The following CDH2 variants were observed in gnomAD, a reference collection of about 807,000 sequenced individuals.
CDH2 encodes cadherin-2.
CDH2 carries 17 observed loss-of-function variants against 92.0 expected under a neutral mutation model. The ratio of observed to expected loss-of-function variants is 0.18; its 90% CI spans 0.13 to 0.28. The LOEUF is 0.28. Among genes scored for constraint, CDH2 ranks in the 10% least tolerant of loss-of-function variants. The pLI, the probability that CDH2 is intolerant of heterozygous loss-of-function variation, is 1.00. For missense variants in CDH2, 862 were observed against 1,133.1 expected (o/e 0.76, Z 3.44); for synonymous variants, 419 against 415.9 (o/e 1.01, Z -0.09).
chr18:27,999,866 G>A (rs573484420), intron 7 of CDH2, among the ~76,000 whole-genome samples: 1 of 151,840 alleles, frequency 6.6e-6, no homozygotes, highest in South Asian at 2.1e-4. Context: ...TGAATCATGG[G>A]GGCAGTTTCC....
downstream of CDH2, among the ~76,000 whole-genome samples, chr18:27,949,967 T>A (rs1909372966): frequency 6.6e-6 from 1 of 151,996 alleles, no homozygotes; most frequent in South Asian, 2.1e-4. Context: ...GTGTGAGCAT[T>A]AAGTGTTATG....
intron 2 of CDH2, among the ~76,000 whole-genome samples, chr18:28,038,370 C>A (rs1260944378): frequency 1.3e-5 from 2 of 151,690 alleles, no homozygotes; most frequent in African/African-American, 4.8e-5. Context: ...CTACAGTGAG[C>A]TGTGATTGCA....
At chr18:27,989,170 T>C (rs898372474) in intron 10 of CDH2, among the ~76,000 whole-genome samples, 1 of 152,214 alleles carries the variant, frequency 6.6e-6, no homozygotes, top group Non-Finnish European at 1.5e-5. Context: ...CCTACTTGAA[T>C]CTTTCACACT....
chr18:28,166,380 TTCA>T (rs1386356909), intron 1 of CDH2, among the ~76,000 whole-genome samples: 1 of 151,776 alleles, frequency 6.6e-6, no homozygotes, highest in Non-Finnish European at 1.5e-5. Context: ...AAAACACAGC[TTCA>T]TCAAGAAGGC....
At position 28,017,395 on chromosome 18, in the gene CDH2, C is replaced by T. The variant is rs571704101; in HGVS notation, c.173-3486G>A. Among the ~76,000 whole-genome samples the T allele has an allele frequency of 3.5e-4, 54 of 152,154 alleles. No homozygotes were observed. The Middle Eastern group carries it at 0.014, about 39-fold the overall frequency. On this transcript the variant is annotated intron_variant, in intron 2 of 15. Coordinates refer to ENST00000269141, the MANE Select transcript of CDH2 (RefSeq NM_001792.5). The stretch of plus-strand genomic sequence containing the variant: ...TCTCCTGTATATTTCATTGTTTAAG[C>T]ATGTAAAGGTGTTCATAGTAGTCTT...
intron 2 of CDH2, among the ~76,000 whole-genome samples, chr18:28,031,435 C>A (rs577233823): frequency 5.9e-5 from 9 of 152,212 alleles, no homozygotes; most frequent in Admixed American, 5.9e-4. Context: ...CCACTCTTCA[C>A]AACATCTACG....
At chr18:28,080,437 G>A (rs1026477597) in intron 2 of CDH2, among the ~76,000 whole-genome samples, 4 of 151,956 alleles carry the variant, frequency 2.6e-5, no homozygotes, top group African/African-American at 7.3e-5. Flanking sequence ...AAGCTGCCTC[G>A]CCTTCTAAAT....
chr18:28,073,899 G>A (rs17494339), intron 2 of CDH2, among the ~76,000 whole-genome samples: 1,966 of 152,148 alleles, frequency 0.013, 50 homozygotes, highest in African/African-American at 0.045. Context: ...TGCAAGATTC[G>A]ATGAGATAAT....
chr18:27,933,479 C>T (rs1018933560), intron 6 of CDH2, among the ~76,000 whole-genome samples: 3 of 152,102 alleles, frequency 2.0e-5, no homozygotes, highest in African/African-American at 7.2e-5. Flanking sequence ...TCCTGAACCC[C>T]TATAGCATGT....
chr18:28,145,295 A>G (rs1394603005), intron 2 of CDH2, among the ~76,000 whole-genome samples: 1 of 152,090 alleles, frequency 6.6e-6, no homozygotes, highest in Non-Finnish European at 1.5e-5. Context: ...GTCAGCCAAT[A>G]TATGGTAGAA....
chr18:28,056,804 A>G (rs1304140896), intron 2 of CDH2, among the ~76,000 whole-genome samples: 1 of 152,178 alleles, frequency 6.6e-6, no homozygotes, highest in East Asian at 1.9e-4. Context: ...AAAGAGATAT[A>G]CTCAACTAAT....
intron 2 of CDH2, among the ~76,000 whole-genome samples, chr18:28,109,975 G>A (rs1222272157): frequency 2.0e-5 from 3 of 152,040 alleles, no homozygotes; most frequent in South Asian, 2.1e-4. Flanking sequence ...CATACTTTTG[G>A]AGAAAATCAC....
intron 9 of CDH2, 40 bp from the exon 10 acceptor site, chr18:27,990,390 A>G (rs776733369): frequency 6.3e-7 from 1 of 1,578,800 alleles, no homozygotes; most frequent in Admixed American, 1.8e-5. Context: ...GCAGGAAATA[A>G]GAATGCTTGC....
chr18:28,095,682 C>T (rs992972473), intron 2 of CDH2, among the ~76,000 whole-genome samples: 4 of 151,678 alleles, frequency 2.6e-5, no homozygotes, highest in Non-Finnish European at 5.9e-5. Flanking sequence ...TGATGGCACA[C>T]GCTAGTGGTC....
At chr18:28,157,337 A>G (rs1387759294) in intron 1 of CDH2, among the ~76,000 whole-genome samples, 1 of 152,224 alleles carries the variant, frequency 6.6e-6, no homozygotes, top group Non-Finnish European at 1.5e-5. Context: ...ACTCAATATC[A>G]GTGACTGCAA....
At chr18:27,998,006 C>G (rs547647248) in intron 7 of CDH2, among the ~76,000 whole-genome samples, 84 of 152,160 alleles carry the variant, frequency 5.5e-4, no homozygotes, top group Non-Finnish European at 6.8e-4. Flanking sequence ...TGGGGTTTCA[C>G]CGTGTTAGCC....
At chr18:27,998,325 T>C (rs2012654368) in intron 7 of CDH2, among the ~76,000 whole-genome samples, 1 of 152,194 alleles carries the variant, frequency 6.6e-6, no homozygotes, top group Admixed American at 6.5e-5. Context: ...TTTCAGTTAG[T>C]CCTCACAATA....
chr18:28,076,338 G>A (rs1222141588), intron 2 of CDH2, among the ~76,000 whole-genome samples: 1 of 152,074 alleles, frequency 6.6e-6, no homozygotes, highest in East Asian at 1.9e-4. Context: ...TTTGCTAGCT[G>A]GATGTACTTG....
intron 2 of CDH2, among the ~76,000 whole-genome samples, chr18:28,062,903 G>A (rs1250303595): frequency 1.3e-5 from 2 of 152,088 alleles, no homozygotes; most frequent in Non-Finnish European, 1.5e-5. Flanking sequence ...CACCTGGGAG[G>A]AGGAGGTTGC....
Sources: allele counts gnomAD v4.1 joint callset (sites outside exome capture counted in the v4.1 genomes callset), GRCh38; gene constraint gnomAD v4.1.1; transcripts MANE v1.5; gene names NCBI Gene and HGNC (gene_info 2026-07-23, HGNC 2026-07-21).